Variants in ATL2 observed in about 807,000 individuals in gnomAD.
ATL2 encodes atlastin-2.
In ATL2, 31 loss-of-function variants were observed where a neutral mutation model predicts 73.9. That is an observed-to-expected ratio of 0.42 (90% confidence interval 0.32 to 0.57). The LOEUF (loss-of-function observed/expected upper bound fraction) is 0.57, where lower values mean the gene tolerates loss of function less well. Among genes scored for constraint, ATL2 ranks in the 20% least tolerant of loss-of-function variants. The probability of loss-of-function intolerance (pLI) is 0.14; values close to 1 mark genes in which losing one functional copy is unlikely to be tolerated. For missense variants in ATL2, 738 were observed against 702.6 expected (o/e 1.05, Z -0.57); for synonymous variants, 291 against 237.5 (o/e 1.23, Z -2.07).
chr2:38,334,639 G>A (rs1222673432), intron 2 of ATL2, among the ~76,000 whole-genome samples: 3 of 150,920 alleles, frequency 2.0e-5, no homozygotes, highest in Non-Finnish European at 4.4e-5. Flanking sequence ...CGGAGGTTGC[G>A]GTGAGCCAAG....
chr2:38,351,857 A>G (rs1050783216), intron 1 of ATL2, among the ~76,000 whole-genome samples: 1 of 149,530 alleles, frequency 6.7e-6, no homozygotes, highest in Non-Finnish European at 1.5e-5. Context: ...CACGTCTGTA[A>G]TCCCAGCACT....
At position 38,295,886 on chromosome 2, in the gene ATL2, A is replaced by G. The variant is rs1015679484; in HGVS notation, c.*108T>C. On this transcript the variant is annotated 3_prime_UTR_variant, in exon 13 of 13. Transcript: ENST00000378954. ...AGCCATCTGTGAAGCCAGTTACACTAAACTACTTCTACAGTTGATTGTAAA... is the reference window on the plus strand; with the variant it reads ...AGCCATCTGTGAAGCCAGTTACACTGAACTACTTCTACAGTTGATTGTAAA... The G allele has an allele frequency of 2.5e-5, 24 of 956,696 alleles. No individual in the cohort carries two copies. In the East Asian group the frequency reaches 4.9e-4, roughly 19 times the overall value. 59.3% of individuals were successfully genotyped at this position (956,696 alleles called of 1,614,324 possible).
intron 2 of ATL2, among the ~76,000 whole-genome samples, 164 bp from the exon 3 acceptor site, chr2:38,319,183 G>A (rs545824590): frequency 6.6e-6 from 1 of 152,350 alleles, no homozygotes; most frequent in South Asian, 2.1e-4. Flanking sequence ...TAAATCCCAT[G>A]TGGGGTTCTT....
chr2:38,334,803 T>C (rs1669208555), intron 2 of ATL2, among the ~76,000 whole-genome samples: 1 of 131,656 alleles, frequency 7.6e-6, no homozygotes, highest in South Asian at 2.4e-4. Context: ...TTACATAAGT[T>C]CTATAGTTTC....
chr2:38,374,539 C>T lies in ATL2; in HGVS notation c.118+2604G>A, dbSNP rs555854281. On this transcript the variant is annotated intron_variant, in intron 1 of 12. Transcript: ENST00000378954. ...CCACCATTACCAAAAAGTTTAACTT[C>T]TACTCCTATGCCTTACATTTCTGGC... Among the ~76,000 whole-genome samples the T allele has an allele frequency of 2.6e-4, 39 of 152,356 alleles. 1 individual carries two copies. In the South Asian group the frequency reaches 7.9e-3, roughly 31 times the overall value.
intron 9 of ATL2, among the ~76,000 whole-genome samples, chr2:38,302,061 C>G (rs1407953110): frequency 6.6e-6 from 1 of 152,138 alleles, no homozygotes; most frequent in Non-Finnish European, 1.5e-5. Flanking sequence ...AGTTCCCAGA[C>G]AAGATTTCTA....
chr2:38,364,225 G>A (rs1462456551), intron 1 of ATL2, among the ~76,000 whole-genome samples: 1 of 152,046 alleles, frequency 6.6e-6, no homozygotes, highest in Non-Finnish European at 1.5e-5. Flanking sequence ...TTGTACCACT[G>A]CACTCCAGCC....
At chr2:38,368,523 A>T (rs1671483733) in intron 1 of ATL2, among the ~76,000 whole-genome samples, 2 of 152,190 alleles carry the variant, frequency 1.3e-5, no homozygotes, top group Non-Finnish European at 2.9e-5. Flanking sequence ...AAGTGCTGGG[A>T]TTACAGGCAT....
At chr2:38,354,102 G>C (rs934742593) in intron 1 of ATL2, 5 of 392,294 alleles carry the variant, frequency 1.3e-5, no homozygotes, top group Non-Finnish European at 2.5e-5. Flanking sequence ...TGAGGCAGAG[G>C]AATCACTTGA....
intron 2 of ATL2, 55 bp downstream of exon 2, chr2:38,343,213 G>C: frequency 7.2e-7 from 1 of 1,384,018 alleles, no homozygotes; most frequent in African/African-American, 1.5e-5. Flanking sequence ...TTTTTTAACA[G>C]GCATGGTTGG....
intron 1 of ATL2, among the ~76,000 whole-genome samples, chr2:38,373,128 G>C (rs1056495844): frequency 6.6e-6 from 1 of 152,082 alleles, no homozygotes; most frequent in Non-Finnish European, 1.5e-5. Context: ...TACCTTATAT[G>C]AGGGCTCCAG....
chr2:38,320,417 A>C (rs547646965), intron 2 of ATL2, among the ~76,000 whole-genome samples: 1 of 152,284 alleles, frequency 6.6e-6, no homozygotes, highest in Non-Finnish European at 1.5e-5. Context: ...ATAAAACAAG[A>C]CCAGCAAAAT....
intron 12 of ATL2, chr2:38,296,823 T>A: frequency 2.9e-6 from 4 of 1,396,064 alleles, no homozygotes; most frequent in Non-Finnish European, 3.8e-6. Flanking sequence ...ACACTTTAGA[T>A]TCTTCCATTT....
chr2:38,318,807 CTG>C (rs1668167428), intron 3 of ATL2, 76 bp downstream of exon 3: 6 of 1,492,138 alleles, frequency 4.0e-6, no homozygotes, highest in Admixed American at 1.9e-5. Context: ...ATTAATAGTT[CTG>C]TGTTGTTTTG....
intron 1 of ATL2, among the ~76,000 whole-genome samples, chr2:38,362,506 C>T (rs1330485936): frequency 6.6e-6 from 1 of 152,156 alleles, no homozygotes; most frequent in Admixed American, 6.5e-5. Context: ...GATTCTTAGA[C>T]CCCACCTCCA....
At chr2:38,375,977 T>C (rs988551182) in intron 1 of ATL2, 39 of 1,059,332 alleles carry the variant, frequency 3.7e-5, no homozygotes, top group Non-Finnish European at 4.8e-5. Flanking sequence ...CCTATTAAAG[T>C]GAGTCCTTGT....
chr2:38,370,150 C>CAAAAAAAAAA (rs962952444), intron 1 of ATL2, among the ~76,000 whole-genome samples: 1 of 43,920 alleles, frequency 2.3e-5, no homozygotes, highest in African/African-American at 1.1e-4. Context: ...GAGACTCCGT[C>CAAAAAAAAAA]AAAAAAAAAA....
chr2:38,301,503 C>T (rs536917084), intron 9 of ATL2, among the ~76,000 whole-genome samples: 34 of 152,342 alleles, frequency 2.2e-4, no homozygotes, highest in African/African-American at 7.7e-4. Context: ...AGTCTTGAAT[C>T]ACCTACACCA....
intron 2 of ATL2, among the ~76,000 whole-genome samples, chr2:38,331,742 T>C (rs1165901955): frequency 6.6e-6 from 1 of 151,896 alleles, no homozygotes; most frequent in Non-Finnish European, 1.5e-5. Flanking sequence ...ATAGTGGAAG[T>C]GTTGAAAAGT....
Sources: allele counts gnomAD v4.1 joint callset (sites outside exome capture counted in the v4.1 genomes callset), GRCh38; gene constraint gnomAD v4.1.1; transcripts MANE v1.5; gene names NCBI Gene and HGNC (gene_info 2026-07-23, HGNC 2026-07-21).